CHRM3: variants seen among roughly 807,000 people sequenced by gnomAD.
CHRM3 encodes the protein muscarinic acetylcholine receptor M3.
In CHRM3, 11 loss-of-function variants were observed where a neutral mutation model predicts 41.8. That is an observed-to-expected ratio of 0.26 (90% CI 0.17 to 0.44). The LOEUF (loss-of-function observed/expected upper bound fraction) is 0.44, where lower values mean the gene tolerates loss of function less well. Among genes scored for constraint, CHRM3 ranks in the 20% least tolerant of loss-of-function variants. CHRM3 has a pLI of 1.00. For synonymous variants in CHRM3, 297 were observed against 301.4 expected, an observed-to-expected ratio of 0.99 and a Z score of 0.15; for missense variants, 571 against 745.4, an observed-to-expected ratio of 0.77 and a Z score of 2.72.
At chr1:239,404,572 C>T (rs1166150600) in intron 1 of CHRM3, among the ~76,000 whole-genome samples, 2 of 150,478 alleles carry the variant, frequency 1.3e-5, no homozygotes, top group Admixed American at 6.6e-5. Context: ...TAAGATGAGT[C>T]GTATTCAACT....
intron 5 of CHRM3, among the ~76,000 whole-genome samples, chr1:239,771,587 T>C (rs1572241481): frequency 2.0e-5 from 3 of 152,212 alleles, no homozygotes; most frequent in Admixed American, 6.5e-5. Flanking sequence ...ATGATGAAAT[T>C]CATTCTAGTG....
intron 5 of CHRM3, among the ~76,000 whole-genome samples, chr1:239,816,715 C>G (rs1170283397): frequency 6.7e-6 from 1 of 148,492 alleles, no homozygotes; most frequent in Non-Finnish European, 1.5e-5. Flanking sequence ...TAATATCCAG[C>G]CTGTCTGTGC....
At chr1:239,807,630 A>C (rs1670757215) in intron 5 of CHRM3, among the ~76,000 whole-genome samples, 1 of 152,250 alleles carries the variant, frequency 6.6e-6, no homozygotes, top group African/African-American at 2.4e-5. Context: ...CATGCATTGC[A>C]TTCAGATATT....
chr1:239,591,770 C>T (rs1664181417), intron 3 of CHRM3, among the ~76,000 whole-genome samples: 1 of 152,156 alleles, frequency 6.6e-6, no homozygotes, highest in Non-Finnish European at 1.5e-5. Flanking sequence ...TACAGTAACA[C>T]AGTTGTGAAG....
At position 239,795,491 on chromosome 1, in the gene CHRM3, T is replaced by C. The variant is rs187264662; in HGVS notation, c.-146-31761T>C. 2.0e-3 allele frequency among the ~76,000 whole-genome samples: 298 copies of C among 152,302 alleles called. 2 individuals carry two copies. The highest frequency in any genetic ancestry group is 6.9e-3 in the African/African-American group (285 of 41,570). ...CTCTGAGGAAGTTTTCTGATTATCTTTTGTGAAGCAGATTTCCTCCACTGT... is the reference window on the plus strand; with the variant it reads ...CTCTGAGGAAGTTTTCTGATTATCTCTTGTGAAGCAGATTTCCTCCACTGT... On this transcript the variant is annotated intron_variant, in intron 5 of 6. Coordinates refer to ENST00000676153, the MANE Select transcript of CHRM3 (RefSeq NM_001375978.1).
At chr1:239,638,422 C>A (rs550427159) in intron 4 of CHRM3, among the ~76,000 whole-genome samples, 1 of 152,192 alleles carries the variant, frequency 6.6e-6, no homozygotes, top group Non-Finnish European at 1.5e-5. Flanking sequence ...TCTCCAGCAC[C>A]TGTTGTTTCC....
At position 239,910,304 on chromosome 1, in the gene CHRM3, A is replaced by AATATAT. The variant is rs201823094; in HGVS notation, c.*1087_*1092dup. On this transcript the variant is annotated 3_prime_UTR_variant, in exon 7 of 7. Transcript: ENST00000676153. ...GTCACGTTTGAATGTCATACACAGC[A>AATATAT]ATATATATATATGTGTATATATATA... 4.9e-4 allele frequency: 79 copies of AATATAT among 159,710 alleles called. No individual in the cohort carries two copies. Among genetic ancestry groups the AATATAT allele is most frequent in the African/African-American group, 1.6e-3 (65 of 39,656 alleles). 9.9% of individuals were successfully genotyped at this position (159,710 alleles called of 1,614,324 possible).
At chr1:239,394,794 T>C (rs1274986203) in intron 1 of CHRM3, among the ~76,000 whole-genome samples, 1 of 145,202 alleles carries the variant, frequency 6.9e-6, no homozygotes, top group Non-Finnish European at 1.5e-5. Context: ...ACTTCTGATC[T>C]TTCTTCCACA....
At chr1:239,582,345 A>G (rs1469453907) in intron 3 of CHRM3, among the ~76,000 whole-genome samples, 2 of 152,208 alleles carry the variant, frequency 1.3e-5, no homozygotes, top group Non-Finnish European at 2.9e-5. Flanking sequence ...TCTTCTTTAT[A>G]TAAAATCAAT....
chr1:239,860,289 A>G (rs565403063), intron 6 of CHRM3, among the ~76,000 whole-genome samples: 1 of 152,312 alleles, frequency 6.6e-6, no homozygotes, highest in East Asian at 1.9e-4. Context: ...CTTTATGAAA[A>G]TTCACTGTAA....
At chr1:239,897,615 A>C (rs2102987130) in intron 6 of CHRM3, among the ~76,000 whole-genome samples, 1 of 152,152 alleles carries the variant, frequency 6.6e-6, no homozygotes, top group South Asian at 2.1e-4. Context: ...AGTGGAACAG[A>C]ATCCAGCTGC....
At chr1:239,759,730 A>G (rs1666573088) in intron 5 of CHRM3, among the ~76,000 whole-genome samples, 1 of 152,192 alleles carries the variant, frequency 6.6e-6, no homozygotes, top group South Asian at 2.1e-4. Context: ...AAAGGGACCA[A>G]GCAAACAAGT....
intron 6 of CHRM3, among the ~76,000 whole-genome samples, chr1:239,873,155 G>A (rs1348316407): frequency 6.6e-6 from 1 of 151,990 alleles, no homozygotes; most frequent in African/African-American, 2.4e-5. Context: ...CATGTACTGT[G>A]TCTATCTGAA....
intron 6 of CHRM3, among the ~76,000 whole-genome samples, chr1:239,837,354 A>G (rs1368850388): frequency 2.0e-5 from 3 of 152,206 alleles, no homozygotes; most frequent in Non-Finnish European, 2.9e-5. Flanking sequence ...TGTAGAAATC[A>G]TCGAATCCAA....
chr1:239,887,439 TG>T (rs1182802970), intron 6 of CHRM3, among the ~76,000 whole-genome samples: 1 of 152,120 alleles, frequency 6.6e-6, no homozygotes, highest in Non-Finnish European at 1.5e-5. Context: ...TAACCTCAAG[TG>T]ATTTCCCCCA....
rs1422013475 is a variant in CHRM3 at position 239,912,178 on chromosome 1, C to T, written c.*2954C>T. 2 of 166,902 alleles carry T rather than the reference C, an allele frequency of 1.2e-5. No individual in the cohort carries two copies. Among genetic ancestry groups the T allele is most frequent in the Non-Finnish European group, 2.9e-5 (2 of 68,122 alleles). 10.3% of individuals were successfully genotyped at this position (166,902 alleles called of 1,614,324 possible). On this transcript the variant is annotated 3_prime_UTR_variant, in exon 7 of 7. Coordinates refer to ENST00000676153, the MANE Select transcript of CHRM3 (RefSeq NM_001375978.1). ...TCTCTTTCTCCCTCTTCTTCCTTCT[C>T]TCTCTCTCACAAGCACACACACACA...
chr1:239,847,887 C>A (rs1313376443), intron 6 of CHRM3, among the ~76,000 whole-genome samples: 2 of 151,224 alleles, frequency 1.3e-5, no homozygotes, highest in Non-Finnish European at 1.5e-5. Flanking sequence ...TGCACTCCAG[C>A]CTCGGCAACA....
intron 4 of CHRM3, among the ~76,000 whole-genome samples, chr1:239,671,356 C>G (rs1275563668): frequency 6.6e-6 from 1 of 152,182 alleles, no homozygotes; most frequent in Non-Finnish European, 1.5e-5. Context: ...CAGAGAGGAT[C>G]ACTTGAGTCC....
At chr1:239,658,125 T>C (rs1022296273) in intron 4 of CHRM3, among the ~76,000 whole-genome samples, 4 of 152,212 alleles carry the variant, frequency 2.6e-5, no homozygotes, top group African/African-American at 9.6e-5. Flanking sequence ...GTTAAGTATC[T>C]AATAAATATG....
Sources: gnomAD v4.1 joint callset for allele counts (sites outside exome capture counted in the v4.1 genomes callset) on GRCh38, gnomAD v4.1.1 for gene constraint, MANE v1.5 for transcripts, NCBI Gene and HGNC (gene_info 2026-07-23, HGNC 2026-07-21) for gene names.